Variants in ZMIZ1 observed in about 807,000 individuals in gnomAD.
ZMIZ1 encodes zinc finger MIZ-type containing 1.
A neutral mutation model predicts 113.9 loss-of-function variants in ZMIZ1; 17 were observed. The ratio of observed to expected loss-of-function variants is 0.15; its 90% CI spans 0.10 to 0.22. The LOEUF (loss-of-function observed/expected upper bound fraction) is 0.22, where lower values mean the gene tolerates loss of function less well. ZMIZ1 is among the 10% of genes least tolerant of loss of function. The pLI is 1.00. For missense variants in ZMIZ1, 1,059 were observed against 1,477.8 expected, an observed-to-expected ratio of 0.72 and a Z score of 4.65; for synonymous variants, 607 against 603.1, an observed-to-expected ratio of 1.01 and a Z score of -0.09.
chr10:79,218,688 G>A lies in ZMIZ1; in HGVS notation c.280+2414G>A, dbSNP rs553070571. Among the ~76,000 whole-genome samples the A allele has an allele frequency of 1.3e-3, 195 of 152,138 alleles. 2 individuals are homozygous for A. The highest frequency in any genetic ancestry group is 1.6e-3 in the Admixed American group (24 of 15,280). On this transcript the variant is annotated intron_variant, in intron 7 of 24. Transcript: ENST00000334512. Reference sequence around the variant, plus strand: ...AAGTGAAGGATGGCAAGGGGGTGTTGTTGAGGGCAGACCACTCTGGGGTTG... The same window carrying A: ...AAGTGAAGGATGGCAAGGGGGTGTTATTGAGGGCAGACCACTCTGGGGTTG...
chr10:79,250,173 A>G lies in ZMIZ1; in HGVS notation c.281-27008A>G, dbSNP rs545823660. Among the ~76,000 whole-genome samples the G allele has an allele frequency of 2.6e-5, 4 of 152,316 alleles. No homozygotes were observed. In the East Asian group the frequency reaches 7.7e-4, roughly 29 times the overall value. ...TTAGTTCCAAAACTGGCTGGGCATT[A>G]GGTTCCCCTCAAGTTCCTGAGCCCG... is the stretch of plus-strand genomic sequence containing the variant. On this transcript the variant is annotated intron_variant, in intron 7 of 24. Transcript: ENST00000334512.
chr10:79,093,797 C>T (rs1004303014), intron 1 of ZMIZ1, among the ~76,000 whole-genome samples: 1 of 152,220 alleles, frequency 6.6e-6, no homozygotes, highest in Admixed American at 6.5e-5. Context: ...CAGGGCCTCT[C>T]TCTGGGCCAT....
chr10:79,088,475 T>C (rs1842884077), intron 1 of ZMIZ1, among the ~76,000 whole-genome samples: 2 of 152,226 alleles, frequency 1.3e-5, no homozygotes, highest in African/African-American at 4.8e-5. Flanking sequence ...CAGGCCTGCC[T>C]AGGCACGGCC....
At chr10:79,272,707 T>TGAGG (rs1278547347) in intron 7 of ZMIZ1, among the ~76,000 whole-genome samples, 3 of 152,130 alleles carry the variant, frequency 2.0e-5, no homozygotes, top group Non-Finnish European at 4.4e-5. Flanking sequence ...TGGATCGAGG[T>TGAGG]GAGGGAGTCT....
In ZMIZ1 at chr10:79,144,103, C is replaced by T. The variant is rs189980559; in HGVS notation, c.-131+4326C>T. The stretch of plus-strand genomic sequence containing the variant: ...CGGGTAATCTCATTAGTGTGCCCGG[C>T]GGAGGGGACGAGTAATCCCGTGCCT... On this transcript the variant is annotated intron_variant, in intron 3 of 24. Transcript: ENST00000334512. 1.6e-3 allele frequency among the ~76,000 whole-genome samples: 249 copies of T among 152,250 alleles called. 2 individuals carry two copies. The highest frequency in any genetic ancestry group is 5.9e-3 in the African/African-American group (245 of 41,542).
At chr10:79,078,115 G>C (rs779319996) in intron 1 of ZMIZ1, among the ~76,000 whole-genome samples, 1 of 152,218 alleles carries the variant, frequency 6.6e-6, no homozygotes, top group African/African-American at 2.4e-5. Context: ...AGGGCAGCTT[G>C]TTCCCCTTGG....
chr10:79,303,236 C>T (rs373742320), intron 18 of ZMIZ1, among the ~76,000 whole-genome samples: 2 of 151,696 alleles, frequency 1.3e-5, no homozygotes, highest in Non-Finnish European at 2.9e-5. Context: ...GAGGCCGAGG[C>T]GGGAGTCCAG....
At chr10:79,250,658 T>C (rs1243462357) in intron 7 of ZMIZ1, among the ~76,000 whole-genome samples, 1 of 152,230 alleles carries the variant, frequency 6.6e-6, no homozygotes, top group African/African-American at 2.4e-5. Flanking sequence ...TGTCAGGGTC[T>C]GTGAGCCCCT....
chr10:79,152,654 G>A (rs779297537), intron 3 of ZMIZ1, among the ~76,000 whole-genome samples: 2 of 152,238 alleles, frequency 1.3e-5, no homozygotes, highest in Non-Finnish European at 2.9e-5. Flanking sequence ...CAGCACTGTG[G>A]GCTGGTGCAT....
chr10:79,240,011 T>C (rs1029609728), intron 7 of ZMIZ1, among the ~76,000 whole-genome samples: 6 of 151,850 alleles, frequency 4.0e-5, no homozygotes, highest in African/African-American at 4.8e-5. Context: ...ACCACTGCCT[T>C]CCCGGCTGCA....
chr10:79,313,785 C>T lies in ZMIZ1; in HGVS notation c.*1036C>T, dbSNP rs571410660. The T allele has an allele frequency of 2.4e-5, 8 of 338,936 alleles. No individual in the cohort carries two copies. Among genetic ancestry groups the T allele is most frequent in the African/African-American group, 1.5e-4 (7 of 46,528 alleles). 21.0% of individuals were successfully genotyped at this position (338,936 alleles called of 1,614,324 possible). ...GTTTTTCTCCTAGTCCCTCTCCTGC[C>T]ACCTCTCCAAGACTTCCGTGGGACA... On this transcript the variant is annotated 3_prime_UTR_variant, in exon 25 of 25. Coordinates refer to ENST00000334512, the MANE Select transcript of ZMIZ1 (RefSeq NM_020338.4).
chr10:79,151,182 C>T (rs1845698497), intron 3 of ZMIZ1, among the ~76,000 whole-genome samples: 1 of 152,170 alleles, frequency 6.6e-6, no homozygotes, highest in South Asian at 2.1e-4. Context: ...CAAGCCCCTG[C>T]CATGGGGTGG....
At chr10:79,183,510 C>T (rs916652694) in intron 4 of ZMIZ1, among the ~76,000 whole-genome samples, 1 of 152,162 alleles carries the variant, frequency 6.6e-6, no homozygotes, top group African/African-American at 2.4e-5. Context: ...AACAGGGTCC[C>T]AGAACCATCC....
intron 4 of ZMIZ1, among the ~76,000 whole-genome samples, chr10:79,164,299 G>A (rs1191138121): frequency 6.6e-6 from 1 of 152,244 alleles, no homozygotes; most frequent in African/African-American, 2.4e-5. Flanking sequence ...CTGTAAAATG[G>A]GTGAAGGGCA....
intron 23 of ZMIZ1, among the ~76,000 whole-genome samples, chr10:79,310,649 G>A (rs920470467): frequency 3.3e-5 from 5 of 152,034 alleles, no homozygotes; most frequent in South Asian, 4.1e-4. Flanking sequence ...CCAGCTCCCC[G>A]TGTCTGTGCT....
intron 2 of ZMIZ1, among the ~76,000 whole-genome samples, chr10:79,128,730 G>T (rs920386433): frequency 6.6e-6 from 1 of 152,176 alleles, no homozygotes; most frequent in Non-Finnish European, 1.5e-5. Flanking sequence ...GGCACCTCCA[G>T]AGTGGCCTGT....
chr10:79,290,739 C>T (rs767915416), intron 9 of ZMIZ1: 1 of 701,322 alleles, frequency 1.4e-6, no homozygotes, highest in South Asian at 1.5e-5. Context: ...CTTGTTCCAT[C>T]ACAAGGCTGA....
chr10:79,093,680 C>A (rs1447335237), intron 1 of ZMIZ1, among the ~76,000 whole-genome samples: 1 of 152,110 alleles, frequency 6.6e-6, no homozygotes, highest in African/African-American at 2.4e-5. Context: ...TGATTAGGGC[C>A]ACAGAGCCAG....
At chr10:79,250,601 G>A (rs1052311262) in intron 7 of ZMIZ1, among the ~76,000 whole-genome samples, 19 of 152,228 alleles carry the variant, frequency 1.2e-4, no homozygotes, top group African/African-American at 3.9e-4. Flanking sequence ...TCTGAAGCCC[G>A]CCAGTGATTT....
Sources: gnomAD v4.1 joint callset for allele counts (sites outside exome capture counted in the v4.1 genomes callset) on GRCh38, gnomAD v4.1.1 for gene constraint, MANE v1.5 for transcripts, NCBI Gene and HGNC (gene_info 2026-07-23, HGNC 2026-07-21) for gene names.